The following AGBL4 variants were observed in gnomAD, a reference collection of about 807,000 sequenced individuals.
AGBL4 encodes the protein cytosolic carboxypeptidase 6.
Under a neutral mutation model 66.4 loss-of-function variants are expected in AGBL4, and 58 were observed. The observed-to-expected ratio is 0.87, with a 90% confidence interval of 0.71 to 1.09. AGBL4 has a LOEUF of 1.09. Ranked by LOEUF, AGBL4 falls within the 50% of genes least tolerant of loss-of-function variation. AGBL4 has a pLI of 0.00. For synonymous variants in AGBL4, 234 were observed against 222.9 expected (o/e 1.05, Z -0.44); for missense variants, 579 against 631.0 (o/e 0.92, Z 0.88).
chr1:49,432,348 CCTT>C (rs985365038), intron 3 of AGBL4, among the ~76,000 whole-genome samples: 66 of 152,092 alleles, frequency 4.3e-4, no homozygotes, highest in African/African-American at 1.6e-3. Context: ...AATTTCCAGG[CCTT>C]CTTCTTGGAA....
intron 4 of AGBL4, among the ~76,000 whole-genome samples, chr1:49,211,009 T>A (rs1648625061): frequency 6.6e-6 from 1 of 152,074 alleles, no homozygotes; most frequent in Non-Finnish European, 1.5e-5. Context: ...AAATGAATTT[T>A]CCACCTTTCA....
intron 3 of AGBL4, among the ~76,000 whole-genome samples, chr1:49,624,293 T>C (rs1008492915): frequency 9.2e-5 from 14 of 152,156 alleles, no homozygotes; most frequent in African/African-American, 3.4e-4. Context: ...GCCTGGCACA[T>C]AATAAATGCT....
intron 3 of AGBL4, among the ~76,000 whole-genome samples, chr1:49,641,939 C>G (rs898740759): frequency 6.6e-6 from 1 of 152,012 alleles, no homozygotes. Context: ...GAACCCAAAA[C>G]TCTTTATTTC....
At chr1:48,648,029 A>C (rs749496710) in intron 8 of AGBL4, among the ~76,000 whole-genome samples, 6 of 152,188 alleles carry the variant, frequency 3.9e-5, no homozygotes, top group Non-Finnish European at 7.3e-5. Flanking sequence ...CAGTAGCCAT[A>C]CCATTGTTTT....
chr1:48,855,039 G>T (rs1190650716), intron 6 of AGBL4, among the ~76,000 whole-genome samples: 1 of 152,178 alleles, frequency 6.6e-6, no homozygotes, highest in Non-Finnish European at 1.5e-5. Flanking sequence ...TTTAGGCTTG[G>T]ACTGAAGAAT....
intron 1 of AGBL4, among the ~76,000 whole-genome samples, chr1:49,924,279 G>C (rs1652546546): frequency 6.6e-6 from 1 of 152,114 alleles, no homozygotes; most frequent in South Asian, 2.1e-4. Flanking sequence ...ACACACACTG[G>C]GGCCTTCTGG....
At chr1:48,624,764 A>T (rs1182394733) in intron 9 of AGBL4, among the ~76,000 whole-genome samples, 1 of 152,214 alleles carries the variant, frequency 6.6e-6, no homozygotes, top group East Asian at 1.9e-4. Context: ...TGAAGATGAT[A>T]GGCTTGCAGG....
At chr1:49,920,634 C>T (rs1421320057) in intron 1 of AGBL4, among the ~76,000 whole-genome samples, 1 of 152,144 alleles carries the variant, frequency 6.6e-6, no homozygotes, top group Non-Finnish European at 1.5e-5. Flanking sequence ...CACTTTTACA[C>T]TCTTGGTGGG....
At chr1:49,859,193 T>G (rs902069602) in intron 1 of AGBL4, among the ~76,000 whole-genome samples, 1 of 152,288 alleles carries the variant, frequency 6.6e-6, no homozygotes, top group Admixed American at 6.5e-5. Flanking sequence ...CTGGGCATTA[T>G]TAAGAGGATA....
chr1:48,564,349 G>A (rs1181871315), intron 11 of AGBL4, among the ~76,000 whole-genome samples: 1 of 151,348 alleles, frequency 6.6e-6, no homozygotes, highest in East Asian at 1.9e-4. Context: ...TGGTAGTCAG[G>A]GCCTCTGTCT....
chr1:49,993,422 G>A (rs1660113606), intron 1 of AGBL4, among the ~76,000 whole-genome samples: 1 of 152,026 alleles, frequency 6.6e-6, no homozygotes, highest in Admixed American at 6.5e-5. Context: ...AGTTTTGATA[G>A]TCTCTACTCT....
chr1:50,003,378 T>C (rs1056855432), intron 1 of AGBL4, among the ~76,000 whole-genome samples: 1 of 152,228 alleles, frequency 6.6e-6, no homozygotes, highest in Non-Finnish European at 1.5e-5. Context: ...GGAGTTTCCT[T>C]AGATTCAGAA....
chr1:49,576,269 G>T (rs1407795081), intron 3 of AGBL4, among the ~76,000 whole-genome samples: 1 of 152,142 alleles, frequency 6.6e-6, no homozygotes, highest in African/African-American at 2.4e-5. Flanking sequence ...TTTTAAGTGG[G>T]GTCCAGAACA....
chr1:49,238,940 C>G (rs1651001725), intron 4 of AGBL4, among the ~76,000 whole-genome samples: 2 of 152,148 alleles, frequency 1.3e-5, no homozygotes, highest in South Asian at 4.1e-4. Flanking sequence ...GTAGTCTTCC[C>G]TCTTTTCTCC....
intron 3 of AGBL4, among the ~76,000 whole-genome samples, chr1:49,333,769 G>A (rs1028277837): frequency 1.3e-5 from 2 of 152,114 alleles, no homozygotes; most frequent in African/African-American, 4.8e-5. Context: ...CATGATGGTC[G>A]AGATGACAGA....
intron 5 of AGBL4, among the ~76,000 whole-genome samples, chr1:48,990,712 T>G (rs1183807036): frequency 6.6e-6 from 1 of 152,126 alleles, no homozygotes; most frequent in Non-Finnish European, 1.5e-5. Context: ...GGTGATTTCT[T>G]GTTTTCTTTT....
chr1:48,991,983 C>G (rs1426985150), intron 5 of AGBL4, among the ~76,000 whole-genome samples: 1 of 151,926 alleles, frequency 6.6e-6, no homozygotes, highest in African/African-American at 2.4e-5. Context: ...GGGATTGGTC[C>G]CTGGTGTCTT....
chr1:48,770,190 A>G (rs1219368019), intron 6 of AGBL4, among the ~76,000 whole-genome samples: 1 of 152,216 alleles, frequency 6.6e-6, no homozygotes, highest in Non-Finnish European at 1.5e-5. Flanking sequence ...GTGGTGCAAA[A>G]CTGAGAAAAT....
At chr1:49,767,111 T>C (rs1437656611) in intron 2 of AGBL4, among the ~76,000 whole-genome samples, 1 of 152,072 alleles carries the variant, frequency 6.6e-6, no homozygotes, top group Non-Finnish European at 1.5e-5. Flanking sequence ...CTGGACATAG[T>C]AGACAACTAC....
Sources: gnomAD v4.1 joint callset for allele counts (sites outside exome capture counted in the v4.1 genomes callset) on GRCh38, gnomAD v4.1.1 for gene constraint, MANE v1.5 for transcripts, NCBI Gene and HGNC (gene_info 2026-07-23, HGNC 2026-07-21) for gene names.